Variants in TBC1D31 observed in about 807,000 individuals in gnomAD.
TBC1D31 encodes TBC1 domain family member 31.
A neutral mutation model predicts 132.9 loss-of-function variants in TBC1D31; 99 were observed. The observed-to-expected ratio is 0.74, with a 90% CI of 0.63 to 0.88. TBC1D31 has a LOEUF of 0.88. TBC1D31 is among the 40% of genes least tolerant of loss of function. The pLI, the probability that TBC1D31 is intolerant of heterozygous loss-of-function variation, is 0.00. For synonymous variants in TBC1D31, 385 were observed against 419.4 expected (o/e 0.92, Z 1.00); for missense variants, 1,134 against 1,256.6 (o/e 0.90, Z 1.48).
chr8:123,152,819 C>T (rs981216347), downstream of TBC1D31, among the ~76,000 whole-genome samples: 3 of 152,010 alleles, frequency 2.0e-5, no homozygotes, highest in Non-Finnish European at 2.9e-5. Context: ...TGCAGTGAGC[C>T]GAGATCACGC....
intron 16 of TBC1D31, among the ~76,000 whole-genome samples, chr8:123,130,965 T>C (rs1334666573): frequency 6.6e-6 from 1 of 151,976 alleles, no homozygotes; most frequent in Non-Finnish European, 1.5e-5. Context: ...CATATAAAAA[T>C]TATCTGTGGC....
intron 5 of TBC1D31, among the ~76,000 whole-genome samples, chr8:123,095,789 G>A (rs943706595): frequency 6.6e-6 from 1 of 152,146 alleles, no homozygotes; most frequent in African/African-American, 2.4e-5. Flanking sequence ...TCTCTAAAGA[G>A]TCTGGGTTCT....
At chr8:123,086,398 C>CG (rs762669630) in intron 4 of TBC1D31, among the ~76,000 whole-genome samples, 166 of 152,306 alleles carry the variant, frequency 1.1e-3, no homozygotes, top group African/African-American at 3.7e-3. Context: ...CACAAAGACA[C>CG]GGGGTCTGGA....
chr8:123,075,324 A>G (rs960659901), intron 1 of TBC1D31, among the ~76,000 whole-genome samples: 13 of 152,244 alleles, frequency 8.5e-5, no homozygotes, highest in Non-Finnish European at 1.8e-4. Flanking sequence ...ATGTTTAGAT[A>G]CACATGGAGA....
intron 16 of TBC1D31, among the ~76,000 whole-genome samples, chr8:123,131,248 C>T (rs1030252191): frequency 1.3e-5 from 2 of 150,932 alleles, no homozygotes; most frequent in African/African-American, 4.9e-5. Context: ...CTTGTAATCC[C>T]AGCTACGCAG....
At chr8:123,137,065 C>T (rs1260389806) in intron 17 of TBC1D31, among the ~76,000 whole-genome samples, 1 of 152,126 alleles carries the variant, frequency 6.6e-6, no homozygotes, top group Admixed American at 6.6e-5. Context: ...TTATGATTAC[C>T]TCCACATGAG....
intron 17 of TBC1D31, among the ~76,000 whole-genome samples, chr8:123,139,533 G>A (rs1821426544): frequency 6.6e-6 from 1 of 152,086 alleles, no homozygotes; most frequent in Non-Finnish European, 1.5e-5. Context: ...TTGTTGAGGG[G>A]CTCTGTGTGC....
chr8:123,153,373 C>T (rs16898055), downstream of TBC1D31, among the ~76,000 whole-genome samples: 1,706 of 152,260 alleles, frequency 0.011, 44 homozygotes, highest in African/African-American at 0.039. Context: ...CAGCTACACA[C>T]GCCACATACG....
At chr8:123,134,839 C>T (rs1820931518) in intron 17 of TBC1D31, among the ~76,000 whole-genome samples, 1 of 152,190 alleles carries the variant, frequency 6.6e-6, no homozygotes, top group South Asian at 2.1e-4. Flanking sequence ...CTCAATACCT[C>T]ACAAGGATCC....
At position 123,126,624 on chromosome 8, in the gene TBC1D31, T is replaced by C. The variant is rs769771061; in HGVS notation, c.1821T>C (p.Val607=). The stretch of plus-strand genomic sequence containing the variant: ...ATCCTTCCTTCCTTCTGATGACTGT[T>C]GTAGCCTACAACATATGTTCTAGAA... The part of the protein sequence containing the change: ...SNHPSFLLMT[V]VAYNICSRTP... The change falls in exon 13 of 22, where the codon GTT becomes GTC. Residue 607 remains valine (V), a synonymous_variant. Coordinates refer to ENST00000287380, the MANE Select transcript of TBC1D31 (RefSeq NM_145647.4). The C allele has an allele frequency of 2.5e-6, 4 of 1,614,146 alleles. No individual in the cohort carries two copies. Among genetic ancestry groups the C allele is most frequent in the Non-Finnish European group, 3.4e-6 (4 of 1,180,000 alleles).
In TBC1D31 at chr8:123,072,709, G is replaced by A; in HGVS notation, c.-61G>A. The A allele has an allele frequency of 6.5e-7, 1 of 1,527,088 alleles. No individual in the cohort carries two copies. Among genetic ancestry groups the A allele is most frequent in the Non-Finnish European group, 8.9e-7 (1 of 1,128,230 alleles). The allele number at this position is 1,527,088 out of a possible 1,614,324, so 94.6% of individuals were successfully genotyped here. A position where few individuals can be genotyped will look rare whatever the true frequency, so the allele number is the denominator to read the frequency against. ...TTCCCGGGCCGGGAGCGCTGGGCCT[G>A]CCGGGAAGGCGCTGGGACGGTTACC... is the stretch of plus-strand genomic sequence containing the variant. On this transcript the variant is annotated 5_prime_UTR_variant, in exon 1 of 22. Coordinates refer to ENST00000287380, the MANE Select transcript of TBC1D31 (RefSeq NM_145647.4).
At position 123,144,770 on chromosome 8, in the gene TBC1D31, T is replaced by G. The variant is rs373959808; in HGVS notation, c.2889T>G (p.Ser963=). ...GTTTGAGATCAGCAAAGAAAGCTTC[T>G]GCTCTTTCAGATGCGTCTAGAAAGT... is the stretch of plus-strand genomic sequence containing the variant. ...EFRLRSAKKA[S]ALSDASRKWF... is the part of the protein sequence containing the mutation. The change falls in exon 20 of 22, where the codon TCT becomes TCG. Residue 963 remains serine, a synonymous_variant. Transcript: ENST00000287380. The G allele has an allele frequency of 3.7e-5, 60 of 1,613,334 alleles. No homozygotes were observed. Among genetic ancestry groups the G allele is most frequent in the African/African-American group, 3.6e-4 (27 of 75,000 alleles).
At chr8:123,109,893 C>T (rs964020210) in intron 10 of TBC1D31, among the ~76,000 whole-genome samples, 1 of 152,046 alleles carries the variant, frequency 6.6e-6, no homozygotes, top group Non-Finnish European at 1.5e-5. Flanking sequence ...CAGGAATTGG[C>T]GACCAGCCTG....
At chr8:123,088,023 T>C (rs1481584658) in intron 4 of TBC1D31, among the ~76,000 whole-genome samples, 1 of 152,134 alleles carries the variant, frequency 6.6e-6, no homozygotes, top group East Asian at 1.9e-4. Context: ...ACCTCATCTC[T>C]ATTAAAAATA....
intron 16 of TBC1D31, among the ~76,000 whole-genome samples, chr8:123,131,642 G>A (rs1463191964): frequency 2.0e-5 from 3 of 152,052 alleles, no homozygotes; most frequent in Non-Finnish European, 4.4e-5. Context: ...GTTATTTGCA[G>A]TGTTTTGCAA....
At chr8:123,147,854 G>A (rs756589725) in intron 20 of TBC1D31, among the ~76,000 whole-genome samples, 5 of 152,178 alleles carry the variant, frequency 3.3e-5, no homozygotes, top group East Asian at 1.9e-4. Context: ...TGAGCCCGGC[G>A]CGGTGGCTCA....
chr8:123,084,345 G>T lies in TBC1D31; in HGVS notation c.519+5G>T. The T allele has an allele frequency of 6.2e-7, 1 of 1,613,720 alleles. No homozygotes were observed. Among genetic ancestry groups the T allele is most frequent in the Non-Finnish European group, 8.5e-7 (1 of 1,179,728 alleles). On this transcript the variant is annotated splice_donor_5th_base_variant and intron_variant, in intron 4 of 21. Transcript: ENST00000287380. ...CAGTCTGTGGGTATACAGAAGGTCA[G>T]TGAGGGGGTACATCTTGGTCTGTTG...
intron 4 of TBC1D31, among the ~76,000 whole-genome samples, chr8:123,092,613 A>AAC (rs1201275120): frequency 6.6e-6 from 1 of 152,006 alleles, no homozygotes; most frequent in East Asian, 1.9e-4. Context: ...TTGTGGGAGT[A>AAC]ATATATATAG....
chr8:123,138,183 C>T (rs1821280363), intron 17 of TBC1D31, among the ~76,000 whole-genome samples: 1 of 152,066 alleles, frequency 6.6e-6, no homozygotes, highest in Admixed American at 6.6e-5. Flanking sequence ...GTCTTCTTCG[C>T]TTAATAAAAT....
Sources: gnomAD v4.1 joint callset for allele counts (sites outside exome capture counted in the v4.1 genomes callset) on GRCh38, gnomAD v4.1.1 for gene constraint, MANE v1.5 for transcripts, NCBI Gene and HGNC (gene_info 2026-07-23, HGNC 2026-07-21) for gene names.